RBFOX1: variants seen among roughly 807,000 people sequenced by gnomAD.
RBFOX1 encodes RNA binding protein fox-1 homolog 1.
Under a neutral mutation model 57.7 loss-of-function variants are expected in RBFOX1, and 8 were observed. The ratio of observed to expected loss-of-function variants is 0.14; its 90% CI spans 0.08 to 0.25. RBFOX1 has a LOEUF of 0.25. RBFOX1 is among the 10% of genes least tolerant of loss of function. The probability of loss-of-function intolerance (pLI) is 1.00; values close to 1 mark genes in which losing one functional copy is unlikely to be tolerated. For synonymous variants in RBFOX1, 326 were observed against 222.4 expected, an observed-to-expected ratio of 1.47 and a Z score of -4.15; for missense variants, 611 against 548.5, an observed-to-expected ratio of 1.11 and a Z score of -1.14.
intron 4 of RBFOX1, among the ~76,000 whole-genome samples, chr16:7,205,997 T>C (rs576814457): frequency 6.6e-6 from 1 of 152,380 alleles, no homozygotes; most frequent in East Asian, 1.9e-4. Flanking sequence ...GCCGATGTTG[T>C]GTTCTGAACA....
At position 6,321,120 on chromosome 16, in the gene RBFOX1, A is replaced by G. The variant is rs540972043; in HGVS notation, c.-64+4063A>G. 9.2e-5 allele frequency among the ~76,000 whole-genome samples: 14 copies of G among 152,314 alleles called. No homozygotes were observed. The East Asian group carries it at 2.7e-3, about 29-fold the overall frequency. On this transcript the variant is annotated intron_variant, in intron 2 of 15. Coordinates refer to ENST00000550418, the MANE Select transcript of RBFOX1 (RefSeq NM_018723.4). ...ACATAAATGTGTTACTTTAGTTTTA[A>G]TTGACAAACAATAATTGCACATATT...
rs150001187 is a variant in RBFOX1 at position 6,348,847 on chromosome 16, A to G, written c.-64+31790A>G. ...ACTGGGGATTACAACTGAACGTGAGATTTGGACGGAGACACAGATCCAAAC... is the reference window on the plus strand; with the variant it reads ...ACTGGGGATTACAACTGAACGTGAGGTTTGGACGGAGACACAGATCCAAAC... On this transcript the variant is annotated intron_variant, in intron 2 of 15. Transcript: ENST00000550418. Among the ~76,000 whole-genome samples, 1,483 of 152,266 alleles carry G rather than the reference A, an allele frequency of 9.7e-3. 18 individuals are homozygous for G. Among genetic ancestry groups the G allele is most frequent in the African/African-American group, 0.034 (1,415 of 41,542 alleles).
intron 1 of RBFOX1, among the ~76,000 whole-genome samples, chr16:6,151,987 AT>A (rs966665917): frequency 6.6e-6 from 1 of 152,208 alleles, no homozygotes; most frequent in African/African-American, 2.4e-5. Flanking sequence ...TACTCTTGCA[AT>A]GTGAATAGCC....
At chr16:5,367,270 G>A (rs1343434439) in intron 1 of RBFOX1, among the ~76,000 whole-genome samples, 1 of 152,200 alleles carries the variant, frequency 6.6e-6, no homozygotes, top group Admixed American at 6.5e-5. Context: ...TATCTTATGT[G>A]TGCAGTATTA....
intron 1 of RBFOX1, among the ~76,000 whole-genome samples, chr16:6,306,600 A>G (rs1003294763): frequency 2.0e-5 from 3 of 152,154 alleles, no homozygotes; most frequent in Non-Finnish European, 4.4e-5. Flanking sequence ...ACTCAGGAGC[A>G]TTTGCTGAGA....
chr16:6,593,003 G>A (rs111899636), intron 2 of RBFOX1, among the ~76,000 whole-genome samples: 3,327 of 152,216 alleles, frequency 0.022, 140 homozygotes, highest in African/African-American at 0.074. Context: ...GACTAGCCCG[G>A]CCAACATGGT....
chr16:7,158,019 T>G (rs2077497278), intron 4 of RBFOX1, among the ~76,000 whole-genome samples: 1 of 152,144 alleles, frequency 6.6e-6, no homozygotes, highest in Admixed American at 6.6e-5. Context: ...TCTATGTAGC[T>G]TTTACTCAGG....
intron 4 of RBFOX1, among the ~76,000 whole-genome samples, chr16:5,896,579 A>G (rs997101221): frequency 2.0e-5 from 3 of 152,156 alleles, no homozygotes; most frequent in Non-Finnish European, 2.9e-5. Context: ...AGCTTGCAGA[A>G]CCATGAGACA....
At chr16:7,414,149 T>C (rs2098456994) in intron 4 of RBFOX1, among the ~76,000 whole-genome samples, 1 of 152,232 alleles carries the variant, frequency 6.6e-6, no homozygotes. Flanking sequence ...ATTCATTCGT[T>C]CTTCACTTAG....
chr16:6,512,183 C>T (rs2096268039), intron 2 of RBFOX1, among the ~76,000 whole-genome samples: 2 of 147,156 alleles, frequency 1.4e-5, no homozygotes, highest in African/African-American at 5.0e-5. Flanking sequence ...ACTTGGGTTG[C>T]TGAGGTCGTA....
chr16:7,466,962 C>T (rs1038464038), intron 4 of RBFOX1, among the ~76,000 whole-genome samples: 5 of 152,154 alleles, frequency 3.3e-5, no homozygotes, highest in Admixed American at 6.5e-5. Context: ...TTACAGAGCA[C>T]CCACTCTGCT....
intron 4 of RBFOX1, among the ~76,000 whole-genome samples, chr16:7,127,224 T>C (rs1006923565): frequency 6.6e-6 from 1 of 152,146 alleles, no homozygotes; most frequent in Non-Finnish European, 1.5e-5. Context: ...AAAATCGTTA[T>C]TCAGCATTCT....
At chr16:7,333,201 G>A (rs563453207) in intron 4 of RBFOX1, 12 of 946,532 alleles carry the variant, frequency 1.3e-5, no homozygotes, top group South Asian at 2.8e-5. Flanking sequence ...AAGCCCTCGC[G>A]TAGTCAGTGA....
chr16:7,392,529 C>G (rs918057062), intron 4 of RBFOX1, among the ~76,000 whole-genome samples: 1 of 152,130 alleles, frequency 6.6e-6, no homozygotes, highest in African/African-American at 2.4e-5. Flanking sequence ...TATTTAGGGT[C>G]AAGGAAGAAA....
At chr16:5,853,591 C>G (rs1322614129) in intron 3 of RBFOX1, among the ~76,000 whole-genome samples, 1 of 152,158 alleles carries the variant, frequency 6.6e-6, no homozygotes, top group Non-Finnish European at 1.5e-5. Context: ...AACAAGCATC[C>G]TTTCCTTGGA....
At chr16:6,206,388 C>T (rs533943756) in intron 1 of RBFOX1, among the ~76,000 whole-genome samples, 1 of 152,242 alleles carries the variant, frequency 6.6e-6, no homozygotes, top group East Asian at 1.9e-4. Flanking sequence ...TGCTCTGCTC[C>T]AGTTGTTCTC....
intron 4 of RBFOX1, among the ~76,000 whole-genome samples, chr16:5,943,148 G>C (rs1056102542): frequency 6.6e-6 from 1 of 152,186 alleles, no homozygotes; most frequent in East Asian, 1.9e-4. Flanking sequence ...TAACACAGCA[G>C]ATCAGCACCT....
chr16:6,060,366 G>C (rs1020381361), intron 1 of RBFOX1, among the ~76,000 whole-genome samples: 3 of 152,078 alleles, frequency 2.0e-5, no homozygotes, highest in South Asian at 2.1e-4. Flanking sequence ...TGAGTTAATA[G>C]ATATAAAACA....
At chr16:5,884,660 C>T (rs11859705) in intron 4 of RBFOX1, among the ~76,000 whole-genome samples, 237 of 152,078 alleles carry the variant, frequency 1.6e-3, no homozygotes, top group African/African-American at 5.5e-3. Context: ...ATGTTGGAGT[C>T]GAATAAATCA....
Sources: gnomAD v4.1 joint callset for allele counts (sites outside exome capture counted in the v4.1 genomes callset) on GRCh38, gnomAD v4.1.1 for gene constraint, MANE v1.5 for transcripts, NCBI Gene and HGNC (gene_info 2026-07-23, HGNC 2026-07-21) for gene names.